The following HOXA3 variants were observed in gnomAD, a reference collection of about 807,000 sequenced individuals.
The protein encoded by HOXA3 is homeobox A3.
In HOXA3, 8 loss-of-function variants were observed where a neutral mutation model predicts 30.3. That is an observed-to-expected ratio of 0.26 (90% CI 0.15 to 0.48). The LOEUF (loss-of-function observed/expected upper bound fraction) is 0.48. HOXA3 is among the 20% of genes least tolerant of loss of function. HOXA3 has a pLI of 0.99. For missense variants in HOXA3, 653 were observed against 614.4 expected (o/e 1.06, Z -0.66); for synonymous variants, 323 against 273.1 (o/e 1.18, Z -1.80).
At chr7:27,142,876 C>T in intron 1 of HOXA3, 1 of 626,532 alleles carries the variant, frequency 1.6e-6, no homozygotes, top group East Asian at 3.0e-5. Flanking sequence ...AGGGTGCTCG[C>T]AAAGAAGAGG....
At chr7:27,146,686 G>A (rs1782779301) in intron 1 of HOXA3, among the ~76,000 whole-genome samples, 1 of 152,176 alleles carries the variant, frequency 6.6e-6, no homozygotes, top group Non-Finnish European at 1.5e-5. Context: ...GTGGTGGGGG[G>A]TCCCTCCAAG....
At position 27,110,406 on chromosome 7, in the gene HOXA3, G is replaced by C. The variant is rs761322128; in HGVS notation, c.235C>G (p.Pro79Ala). ...TCTCCCAGGCTTGGAGGCTGGCTAG[G>C]TGGGGCGCTCAGGGTGCGCAGGCAC... ...EACLRTLSAP[P>A]SQPPSLGEPP... The change falls in exon 5 of 6, where the codon CCT becomes GCT. Residue 79 changes from proline (P) to alanine (A), a missense_variant. Transcript: ENST00000612286. The C allele has an allele frequency of 2.0e-6, 3 of 1,538,300 alleles. No individual in the cohort carries two copies. The highest frequency in any genetic ancestry group is 2.6e-6 in the Non-Finnish European group (3 of 1,145,146).
chr7:27,142,159 C>A, intron 1 of HOXA3: 1 of 1,525,200 alleles, frequency 6.6e-7, no homozygotes, highest in South Asian at 1.2e-5. Context: ...AAGCTTGGGT[C>A]ATGAGCAGGG....
At chr7:27,142,764 C>A in intron 1 of HOXA3, 2 of 411,934 alleles carry the variant, frequency 4.9e-6, no homozygotes, top group Non-Finnish European at 8.5e-6. Flanking sequence ...CCCGGGAGCG[C>A]GTCCCAAGGC....
chr7:27,107,810 GAAGGA>G lies in HOXA3; in HGVS notation c.*100_*104del, dbSNP rs1296593013. Reference sequence around the variant, plus strand: ...GGGGCGGAGAAGAGAGAAAAGGAAGGAAGGAAAGGGCAGGAAGAACCTAAAAAAAA... The same window carrying G: ...GGGGCGGAGAAGAGAGAAAAGGAAGGAAGGGCAGGAAGAACCTAAAAAAAA... On this transcript the variant is annotated 3_prime_UTR_variant, in exon 6 of 6. Transcript: ENST00000612286. 1.8e-5 allele frequency: 14 copies of G among 774,920 alleles called. No individual in the cohort carries two copies. Among genetic ancestry groups the G allele is most frequent in the Middle Eastern group, 3.6e-4 (1 of 2,748 alleles). 48.0% of individuals were successfully genotyped at this position (774,920 alleles called of 1,614,324 possible). A position where few individuals can be genotyped will look rare whatever the true frequency, so the allele number is the denominator to read the frequency against.
intron 1 of HOXA3, chr7:27,147,614 T>C (rs1782821389): frequency 6.2e-7 from 1 of 1,614,178 alleles, no homozygotes; most frequent in Non-Finnish European, 8.5e-7. Flanking sequence ...TCCGGGAGAC[T>C]CGACGCCCCG....
intron 1 of HOXA3, among the ~76,000 whole-genome samples, chr7:27,149,461 A>AT (rs1036295121): frequency 1.3e-5 from 2 of 152,022 alleles, no homozygotes; most frequent in African/African-American, 2.4e-5. Context: ...TTGCTTTTCA[A>AT]TTTTTTTCCT....
chr7:27,145,777 T>C (rs771103652), intron 1 of HOXA3: 33 of 1,614,104 alleles, frequency 2.0e-5, no homozygotes, highest in Non-Finnish European at 2.8e-5. Context: ...TGGCGCTCGG[T>C]GAGGCAGAGC....
intron 1 of HOXA3, among the ~76,000 whole-genome samples, chr7:27,148,039 G>A (rs1045916285): frequency 6.6e-6 from 1 of 152,272 alleles, no homozygotes; most frequent in East Asian, 1.9e-4. Flanking sequence ...CTCTCTTCCC[G>A]AACGCCAGCG....
intron 4 of HOXA3, among the ~76,000 whole-genome samples, chr7:27,118,215 A>C (rs1330045328): frequency 6.6e-6 from 1 of 152,180 alleles, no homozygotes; most frequent in Non-Finnish European, 1.5e-5. Flanking sequence ...GAACCGCTCC[A>C]TGAGTGCTGA....
Position 27,107,875 on chromosome 7 carries a change from T to C in HOXA3, c.*40A>G. ...AAAGCAACCAAAGAAAAAAGGTGGGTGGGGGGAGACTCTCCTGGCGCGTAG... is the reference window on the plus strand; with the variant it reads ...AAAGCAACCAAAGAAAAAAGGTGGGCGGGGGGAGACTCTCCTGGCGCGTAG... On this transcript the variant is annotated 3_prime_UTR_variant, in exon 6 of 6. Coordinates refer to ENST00000612286, the MANE Select transcript of HOXA3 (RefSeq NM_153631.3). 1.2e-6 allele frequency: 1 copy of C among 823,516 alleles called. No homozygotes were observed. The allele number at this position is 823,516 out of a possible 1,614,324, so 51.0% of individuals were successfully genotyped here.
chr7:27,141,090 T>G (rs1209266118), intron 1 of HOXA3: 2 of 124,808 alleles, frequency 1.6e-5, no homozygotes, highest in Non-Finnish European at 3.2e-5. Context: ...TTCCAGTCAG[T>G]ATTTTTTCCT....
chr7:27,147,662 C>A, intron 1 of HOXA3: 1 of 1,614,124 alleles, frequency 6.2e-7, no homozygotes, highest in Middle Eastern at 1.6e-4. Context: ...TCATAGCCAG[C>A]CTGGTAGAGG....
intron 1 of HOXA3, among the ~76,000 whole-genome samples, chr7:27,142,558 TC>T (rs1782607643): frequency 6.6e-6 from 1 of 151,996 alleles, no homozygotes; most frequent in Non-Finnish European, 1.5e-5. Context: ...TCCTTCTCTC[TC>T]CCTCCTGCCC....
Position 27,110,397 on chromosome 7 carries a change from G to C in HOXA3, c.244C>G (p.Pro82Ala), listed in dbSNP as rs1784299464. ...AGGGGCGGCTCTCCCAGGCTTGGAG[G>C]CTGGCTAGGTGGGGCGCTCAGGGTG... ...LRTLSAPPSQ[P>A]PSLGEPPLHP... The change falls in exon 5 of 6, where the codon CCT (proline) becomes GCT (alanine). Residue 82 changes from proline (P) to alanine (A), a missense_variant. Physicochemically the swap from Pro to Ala is conservative, Grantham distance 27. Around this residue, in one of 3 missense-constraint regions of HOXA3, gnomAD observed 320 missense variants for 321.9 expected, o/e 0.99. Transcript: ENST00000612286. 1 of 1,531,436 alleles carries C rather than the reference G, an allele frequency of 6.5e-7. No individual in the cohort carries two copies. The highest frequency in any genetic ancestry group is 2.4e-5 in the East Asian group (1 of 41,764). The allele number at this position is 1,531,436 out of a possible 1,614,324, so 94.9% of individuals were successfully genotyped here.
chr7:27,110,014 G>T, intron 5 of HOXA3, 101 bp downstream of exon 5: 1 of 1,418,882 alleles, frequency 7.0e-7, no homozygotes, highest in Non-Finnish European at 9.9e-7. Flanking sequence ...GTGAATTCCA[G>T]ACATGCTCCA....
Sources: allele counts gnomAD v4.1 joint callset (sites outside exome capture counted in the v4.1 genomes callset), GRCh38; gene constraint gnomAD v4.1.1; regional missense constraint gnomAD v4.1.1; transcripts MANE v1.5; gene names NCBI Gene and HGNC (gene_info 2026-07-23, HGNC 2026-07-21).